Variants in CEP128 observed in about 807,000 individuals in gnomAD.
CEP128 encodes the protein centrosomal protein 128, also known as centrosomal protein 128kDa.
In CEP128, 132 loss-of-function variants were observed where a neutral mutation model predicts 156.7. The observed-to-expected ratio is 0.84, with a 90% CI of 0.73 to 0.97. CEP128 has a LOEUF of 0.97. Ranked by LOEUF, CEP128 falls within the 50% of genes least tolerant of loss-of-function variation. CEP128 has a pLI of 0.00. For missense variants in CEP128, 1,252 were observed against 1,281.9 expected (o/e 0.98, Z 0.36); for synonymous variants, 469 against 448.9 (o/e 1.04, Z -0.57).
chr14:80,800,483 G>A (rs1883777214), intron 13 of CEP128, among the ~76,000 whole-genome samples: 1 of 152,156 alleles, frequency 6.6e-6, no homozygotes, highest in Non-Finnish European at 1.5e-5. Flanking sequence ...ATAGTTTTTG[G>A]CAGAGAAAGG....
intron 20 of CEP128, among the ~76,000 whole-genome samples, chr14:80,566,063 T>C (rs1021418253): frequency 6.6e-6 from 1 of 152,200 alleles, no homozygotes; most frequent in African/African-American, 2.4e-5. Context: ...TTAGGGACCA[T>C]GATGGACATA....
At chr14:80,571,397 A>C (rs904608416) in intron 20 of CEP128, among the ~76,000 whole-genome samples, 10 of 152,214 alleles carry the variant, frequency 6.6e-5, no homozygotes, top group Admixed American at 5.9e-4. Context: ...AAATACAGAA[A>C]TATTACTTAC....
chr14:80,713,014 C>A (rs1897469932), intron 19 of CEP128, among the ~76,000 whole-genome samples: 1 of 152,110 alleles, frequency 6.6e-6, no homozygotes, highest in South Asian at 2.1e-4. Flanking sequence ...AAAGTTGAAT[C>A]TAATCATATC....
intron 13 of CEP128, chr14:80,822,488 G>A: frequency 1.7e-6 from 1 of 591,746 alleles, no homozygotes; most frequent in Non-Finnish European, 3.2e-6. Context: ...GTGCACCACT[G>A]CATCCCGCGT....
chr14:80,751,744 C>T lies in CEP128; in HGVS notation c.2613+5148G>A, dbSNP rs565844516. On this transcript the variant is annotated intron_variant, in intron 18 of 24. Transcript: ENST00000555265. Reference sequence around the variant, plus strand: ...TCCTGGGTTGAAGCGATTCTCCTGCCTCAGCAACCGAAGTAGCTGGGATTA... The same window carrying T: ...TCCTGGGTTGAAGCGATTCTCCTGCTTCAGCAACCGAAGTAGCTGGGATTA... Among the ~76,000 whole-genome samples, 38 of 152,060 alleles carry T rather than the reference C, an allele frequency of 2.5e-4. No homozygotes were observed. In the South Asian group the frequency reaches 7.7e-3, roughly 31 times the overall value.
In CEP128 at chr14:80,744,678, G is replaced by A. The variant is rs908407423; in HGVS notation, c.2614-1411C>T. ...AGAAAAACACTGCCAAGAAAACAGGGTTTTCTCTTTCTCAAGTTCACAGTC... is the reference window on the plus strand; with the variant it reads ...AGAAAAACACTGCCAAGAAAACAGGATTTTCTCTTTCTCAAGTTCACAGTC... On this transcript the variant is annotated intron_variant, in intron 18 of 24. Coordinates refer to ENST00000555265, the MANE Select transcript of CEP128 (RefSeq NM_152446.5). 2.6e-5 allele frequency among the ~76,000 whole-genome samples: 4 copies of A among 152,050 alleles called. No homozygotes were observed. In the East Asian group the frequency reaches 7.7e-4, roughly 29 times the overall value.
At chr14:80,619,359 G>GACACAC (rs765931874) in intron 19 of CEP128, among the ~76,000 whole-genome samples, 8 of 72,628 alleles carry the variant, frequency 1.1e-4, no homozygotes, top group African/African-American at 3.5e-4. Flanking sequence ...ATGATTTAAA[G>GACACAC]ACACACAGAC....
At chr14:80,851,387 A>G (rs1402627905) in intron 9 of CEP128, among the ~76,000 whole-genome samples, 3 of 152,162 alleles carry the variant, frequency 2.0e-5, no homozygotes, top group African/African-American at 7.2e-5. Context: ...GAGGAACGGG[A>G]AAGTTTTCCC....
chr14:80,847,154 A>G (rs1886649875), intron 9 of CEP128, among the ~76,000 whole-genome samples: 1 of 152,090 alleles, frequency 6.6e-6, no homozygotes, highest in Non-Finnish European at 1.5e-5. Context: ...AAAAAACATC[A>G]AAAGTGTTTT....
intron 21 of CEP128, among the ~76,000 whole-genome samples, chr14:80,541,645 C>G (rs1164839637): frequency 6.6e-6 from 1 of 152,048 alleles, no homozygotes; most frequent in Non-Finnish European, 1.5e-5. Flanking sequence ...CAATCTTACC[C>G]TTATCTAAAT....
rs375718150 is a variant in CEP128 at position 80,777,991 on chromosome 14, T to A, written c.2267A>T (p.Lys756Met). 70 of 1,613,596 alleles carry A rather than the reference T, an allele frequency of 4.3e-5. No individual in the cohort carries two copies. The highest frequency in any genetic ancestry group is 5.8e-5 in the Non-Finnish European group (69 of 1,179,850). ...MAKIHRGQLE[K>M]LKSQCDRLTE... is the part of the protein sequence containing the mutation. ...CAGTCTGTCACACTGTGATTTCAAC[T>A]TCTCCAGCTGACCACGATGAATTTT... The change falls in exon 16 of 25, where the codon AAG becomes ATG. Residue 756 changes from lysine (K) to methionine (M), a missense_variant. Transcript: ENST00000555265.
chr14:80,706,285 A>G (rs1438230279), intron 19 of CEP128, among the ~76,000 whole-genome samples: 2 of 152,174 alleles, frequency 1.3e-5, no homozygotes, highest in African/African-American at 4.8e-5. Flanking sequence ...GAAATCTTAC[A>G]AAGAGATCCC....
At chr14:80,715,502 G>A (rs1897571618) in intron 19 of CEP128, among the ~76,000 whole-genome samples, 1 of 152,152 alleles carries the variant, frequency 6.6e-6, no homozygotes, top group East Asian at 1.9e-4. Context: ...TAAATGTAAT[G>A]AAGAAGTATG....
intron 8 of CEP128, among the ~76,000 whole-genome samples, chr14:80,876,467 C>G (rs545775084): frequency 6.6e-6 from 1 of 151,998 alleles, no homozygotes; most frequent in South Asian, 2.1e-4. Flanking sequence ...CATGGTGGCA[C>G]ACGCCTGTAG....
chr14:80,810,254 C>T (rs1352638417), intron 13 of CEP128, among the ~76,000 whole-genome samples: 1 of 131,742 alleles, frequency 7.6e-6, no homozygotes, highest in Admixed American at 8.9e-5. Context: ...ACCTGGGAGG[C>T]GGAGCTTGCA....
intron 19 of CEP128, among the ~76,000 whole-genome samples, chr14:80,586,385 C>A (rs1891822491): frequency 6.6e-6 from 1 of 152,114 alleles, no homozygotes; most frequent in African/African-American, 2.4e-5. Context: ...GGACTGAGTT[C>A]CGAGATCAAA....
intron 19 of CEP128, among the ~76,000 whole-genome samples, chr14:80,622,415 A>T (rs908403420): frequency 6.6e-6 from 1 of 150,516 alleles, no homozygotes. Context: ...CTTCATGTCT[A>T]AAACACCAAA....
intron 20 of CEP128, among the ~76,000 whole-genome samples, chr14:80,568,484 ACT>A (rs145580585): frequency 0.12 from 18,045 of 151,696 alleles, 1,417 homozygotes; most frequent in Non-Finnish European, 0.17. Context: ...TGTAATGGAG[ACT>A]CTTTCTTGCC....
In CEP128 at chr14:80,802,339, A is replaced by G. The variant is rs547468938; in HGVS notation, c.1210-9229T>C. Among the ~76,000 whole-genome samples, 5 of 152,338 alleles carry G rather than the reference A, an allele frequency of 3.3e-5. No individual in the cohort carries two copies. The South Asian group carries it at 6.2e-4, about 19-fold the overall frequency. On this transcript the variant is annotated intron_variant, in intron 13 of 24. Coordinates refer to ENST00000555265, the MANE Select transcript of CEP128 (RefSeq NM_152446.5). ...AAAGAAAATATGGTATATATACATC[A>G]TGGAATACTATGCAGCCATAAAAAG...
Sources: gnomAD v4.1 joint callset for allele counts (sites outside exome capture counted in the v4.1 genomes callset) on GRCh38, gnomAD v4.1.1 for gene constraint, MANE v1.5 for transcripts, NCBI Gene and HGNC (gene_info 2026-07-23, HGNC 2026-07-21) for gene names.